The following VIPR2 variants were observed in gnomAD, a reference collection of about 807,000 sequenced individuals.
VIPR2 encodes the protein vasoactive intestinal peptide receptor 2, also known as vasoactive intestinal polypeptide receptor 2.
In VIPR2, 48 loss-of-function variants were observed where a neutral mutation model predicts 58.0. That is an observed-to-expected ratio of 0.83 (90% CI 0.66 to 1.05). VIPR2 has a LOEUF of 1.05. Ranked by LOEUF, VIPR2 falls within the 50% of genes least tolerant of loss-of-function variation. VIPR2 has a pLI of 0.00. For missense variants in VIPR2, 534 were observed against 558.0 expected, an observed-to-expected ratio of 0.96 and a Z score of 0.43; for synonymous variants, 243 against 235.2, an observed-to-expected ratio of 1.03 and a Z score of -0.30.
intron 2 of VIPR2, among the ~76,000 whole-genome samples, chr7:159,113,799 A>T (rs1489079652): frequency 2.6e-5 from 4 of 152,222 alleles, no homozygotes; most frequent in African/African-American, 9.6e-5. Context: ...GGAATGGCAC[A>T]GGAGAGATAG....
At chr7:159,041,316 G>C (rs907416087) in intron 6 of VIPR2, among the ~76,000 whole-genome samples, 1 of 152,338 alleles carries the variant, frequency 6.6e-6, no homozygotes, top group Middle Eastern at 3.4e-3. Flanking sequence ...CAATAGGGGA[G>C]AGTAGAGAGC....
chr7:159,143,638 T>A (rs906019393), intron 1 of VIPR2, among the ~76,000 whole-genome samples: 2 of 152,152 alleles, frequency 1.3e-5, no homozygotes. Context: ...GGGCTCCAAG[T>A]CCTCTGTTTT....
chr7:159,036,840 C>A lies in VIPR2; in HGVS notation c.660G>T (p.Leu220=), dbSNP rs1438611871. ...TGTGGAGGTAGAGCCCCTCCACCAG[C>A]AGCCAGAAGAAGTTGGCCATGATGC... is the stretch of plus-strand genomic sequence containing the variant. ...QYCIMANFFW[L]LVEGLYLHTL... The change falls in exon 7 of 13, where the codon CTG becomes CTT. Residue 220 remains leucine (L), a synonymous_variant. Transcript: ENST00000262178. The A allele has an allele frequency of 2.5e-6, 4 of 1,614,072 alleles. No homozygotes were observed. Among genetic ancestry groups the A allele is most frequent in the Non-Finnish European group, 3.4e-6 (4 of 1,180,002 alleles).
At chr7:159,053,240 T>C (rs905136482) in intron 5 of VIPR2, among the ~76,000 whole-genome samples, 1 of 152,024 alleles carries the variant, frequency 6.6e-6, no homozygotes, top group African/African-American at 2.4e-5. Flanking sequence ...TGAGCTACTG[T>C]ACCTGGCCTT....
In VIPR2 at chr7:159,031,847, T is replaced by C. The variant is rs774356407; in HGVS notation, c.1124A>G (p.Tyr375Cys). 2 of 1,613,856 alleles carry C rather than the reference T, an allele frequency of 1.2e-6. No homozygotes were observed. Among genetic ancestry groups the C allele is most frequent in the Non-Finnish European group, 1.7e-6 (2 of 1,179,958 alleles). ...SFQGLVVAVLYCFLNSEVQCE... is the reference protein window; with the variant it reads ...SFQGLVVAVLCCFLNSEVQCE... ...ACTTACCTCACTGTTCAGGAAACAGTAGAGGACGGCCACCACCAGGCCCTG... is the reference window on the plus strand; with the variant it reads ...ACTTACCTCACTGTTCAGGAAACAGCAGAGGACGGCCACCACCAGGCCCTG... The change falls in exon 12 of 13, where the codon TAC becomes TGC. Residue 375 changes from tyrosine to cysteine, a missense_variant. By Grantham distance (194) the Tyr-to-Cys change is radical. Transcript: ENST00000262178. The surrounding 1 kb of genome is among the most constrained non-coding windows in gnomAD (Gnocchi z 4.0).
intron 5 of VIPR2, among the ~76,000 whole-genome samples, chr7:159,050,219 C>T (rs529129609): frequency 1.3e-5 from 2 of 151,954 alleles, no homozygotes; most frequent in East Asian, 3.9e-4. Flanking sequence ...CGCTTGTAAT[C>T]CCAGCTACTT....
chr7:159,065,158 A>C (rs1456941272), intron 4 of VIPR2, among the ~76,000 whole-genome samples: 1 of 152,182 alleles, frequency 6.6e-6, no homozygotes, highest in Non-Finnish European at 1.5e-5. Flanking sequence ...GGAAGATCTG[A>C]GAGCTGAGAG....
chr7:159,123,320 G>GA (rs1209464094), intron 2 of VIPR2, among the ~76,000 whole-genome samples: 5 of 103,734 alleles, frequency 4.8e-5, no homozygotes, highest in East Asian at 3.3e-4. Context: ...AAAAAAGAAA[G>GA]AAAAAAAAAC....
intron 2 of VIPR2, among the ~76,000 whole-genome samples, chr7:159,119,237 C>G (rs748710001): frequency 5.9e-5 from 9 of 152,180 alleles, no homozygotes; most frequent in Non-Finnish European, 1.5e-5. Flanking sequence ...GCAGGGGTCC[C>G]GCCCCACAGC....
rs186386258 is a variant in VIPR2, at chr7:159,041,894, G to A, written c.597+1141C>T. Among the ~76,000 whole-genome samples the A allele has an allele frequency of 1.3e-3, 196 of 152,258 alleles. 1 individual carries two copies. The highest frequency in any genetic ancestry group is 4.2e-3 in the African/African-American group (176 of 41,536). ...CACCATCCTCACACTTCTTATGGGC[G>A]TTGACCACTGTTACACATGTGGGGA... is the stretch of plus-strand genomic sequence containing the variant. On this transcript the variant is annotated intron_variant, in intron 6 of 12. Transcript: ENST00000262178.
At chr7:159,038,034 G>A (rs893702120) in intron 6 of VIPR2, among the ~76,000 whole-genome samples, 3 of 152,164 alleles carry the variant, frequency 2.0e-5, no homozygotes, top group South Asian at 2.1e-4. Context: ...AAATATATAC[G>A]GGTGAATATA....
rs1857950360 is a variant in VIPR2, at chr7:159,097,724, C to T, written c.357+6033G>A. On this transcript the variant is annotated intron_variant, in intron 4 of 12. Coordinates refer to ENST00000262178, the MANE Select transcript of VIPR2 (RefSeq NM_003382.5). This position sits in a 1 kb window ranked among gnomAD's most constrained non-coding sequence, Gnocchi z 5.3. ...GAAACAGGCTTGAAGAGGCACCTTT[C>T]AGAAGCTGAGCAGCAATTGTAGCCA... 6.6e-6 allele frequency among the ~76,000 whole-genome samples: 1 copy of T among 152,220 alleles called. No homozygotes were observed. Among genetic ancestry groups the T allele is most frequent in the Non-Finnish European group, 1.5e-5 (1 of 68,038 alleles).
At chr7:159,134,663 C>CT (rs1380328529) in intron 2 of VIPR2, among the ~76,000 whole-genome samples, 2,229 of 145,354 alleles carry the variant, frequency 0.015, 43 homozygotes, top group African/African-American at 0.05. Context: ...TATTTTCTTT[C>CT]TTTTTTTTTT....
At chr7:159,110,755 C>T (rs1352516971) in intron 2 of VIPR2, among the ~76,000 whole-genome samples, 21 of 152,214 alleles carry the variant, frequency 1.4e-4, no homozygotes, top group African/African-American at 4.8e-4. Context: ...GCACATGCCA[C>T]CCAGACCTGT....
At chr7:159,117,377 C>T (rs73730168) in intron 2 of VIPR2, 8,130 of 717,428 alleles carry the variant, frequency 0.011, 178 homozygotes, top group African/African-American at 0.07. Context: ...AAACCTCCGG[C>T]GTGAATGAGG....
At chr7:159,094,722 C>T (rs1207575948) in intron 4 of VIPR2, among the ~76,000 whole-genome samples, 1 of 152,232 alleles carries the variant, frequency 6.6e-6, no homozygotes, top group East Asian at 1.9e-4. Context: ...CAGTGCGACT[C>T]CATGCCGTGC....
Position 159,097,053 on chromosome 7 carries a change from G to C in VIPR2, c.357+6704C>G. On this transcript the variant is annotated intron_variant, in intron 4 of 12. Transcript: ENST00000262178. This position sits in a 1 kb window ranked among gnomAD's most constrained non-coding sequence, Gnocchi z 5.3. ...AGGCCGCTCTGGGGGTCTCTGGCAG[G>C]CTCCTCCTGGCACCCTGGGAGGCTG... 1 of 1,547,836 alleles carries C rather than the reference G, an allele frequency of 6.5e-7. No homozygotes were observed. Among genetic ancestry groups the C allele is most frequent in the Non-Finnish European group, 8.7e-7 (1 of 1,145,152 alleles).
At chr7:159,083,689 CGTT>C (rs1563308464) in intron 4 of VIPR2, among the ~76,000 whole-genome samples, 1 of 152,206 alleles carries the variant, frequency 6.6e-6, no homozygotes, top group Non-Finnish European at 1.5e-5. Flanking sequence ...CTGGTGGACA[CGTT>C]TACTGTCAGT....
chr7:159,114,785 A>G (rs995668053), intron 2 of VIPR2, among the ~76,000 whole-genome samples: 2 of 144,062 alleles, frequency 1.4e-5, no homozygotes, highest in African/African-American at 5.3e-5. Context: ...AAAGAAAAAA[A>G]AGAGGAAAGA....
Sources: gnomAD v4.1 joint callset for allele counts (sites outside exome capture counted in the v4.1 genomes callset) on GRCh38, gnomAD v4.1.1 for gene constraint, Gnocchi (gnomAD v3.1) non-coding constraint, MANE v1.5 for transcripts, NCBI Gene and HGNC (gene_info 2026-07-23, HGNC 2026-07-21) for gene names.